Variants in GON4L observed in about 807,000 individuals in gnomAD.
The protein encoded by GON4L is gon-4 like.
GON4L carries 87 observed loss-of-function variants against 211.8 expected under a neutral mutation model. The ratio of observed to expected loss-of-function variants is 0.41; its 90% CI spans 0.35 to 0.49. The LOEUF (loss-of-function observed/expected upper bound fraction) is 0.49. Among genes scored for constraint, GON4L ranks in the 20% least tolerant of loss-of-function variants. The probability of loss-of-function intolerance (pLI) is 0.15; values close to 1 mark genes in which losing one functional copy is unlikely to be tolerated. For missense variants in GON4L, 2,155 were observed against 2,659.5 expected, an observed-to-expected ratio of 0.81 and a Z score of 4.17; for synonymous variants, 875 against 962.6, an observed-to-expected ratio of 0.91 and a Z score of 1.68.
intron 11 of GON4L, 147 bp downstream of exon 11, chr1:155,804,802 A>G: frequency 1.4e-6 from 1 of 696,516 alleles, no homozygotes; most frequent in Non-Finnish European, 2.5e-6. Context: ...AAAAAGAAAA[A>G]TTAACTACTG....
Position 155,821,560 on chromosome 1 carries a change from T to C in GON4L, c.889-12A>G, listed in dbSNP as rs918369215. 6.4e-7 allele frequency: 1 copy of C among 1,551,646 alleles called. No homozygotes were observed. Among genetic ancestry groups the C allele is most frequent in the Non-Finnish European group, 8.9e-7 (1 of 1,123,688 alleles). On this transcript the variant is annotated splice_polypyrimidine_tract_variant and intron_variant, in intron 4 of 31. Transcript: ENST00000368331. ...TTTGTGATTACTTCCTGGAGAAAGA[T>C]GAAATTTCACTTTATGCAACAAGGG...
chr1:155,807,228 C>T (rs1223633058), intron 10 of GON4L, among the ~76,000 whole-genome samples: 3 of 151,966 alleles, frequency 2.0e-5, no homozygotes, highest in Non-Finnish European at 4.4e-5. Context: ...AGCAAGACCC[C>T]CATCTCTACA....
chr1:155,838,526 G>A (rs1056662742), intron 2 of GON4L, among the ~76,000 whole-genome samples: 2 of 152,046 alleles, frequency 1.3e-5, no homozygotes, highest in African/African-American at 4.8e-5. Context: ...TGTAATCCCA[G>A]CACTTTGGGT....
At chr1:155,797,786 G>C (rs1666218932) in intron 11 of GON4L, among the ~76,000 whole-genome samples, 1 of 151,228 alleles carries the variant, frequency 6.6e-6, no homozygotes, top group Non-Finnish European at 1.5e-5. Context: ...CCAGGAGACA[G>C]AGGTTGCAGT....
chr1:155,747,685 T>C (rs775187678), downstream of GON4L: 1 of 1,613,878 alleles, frequency 6.2e-7, no homozygotes, highest in Admixed American at 1.7e-5. Flanking sequence ...TTGCAGGTAG[T>C]GGCGTGGCAA....
chr1:155,817,847 A>G (rs1048814595), intron 6 of GON4L, among the ~76,000 whole-genome samples: 1 of 151,838 alleles, frequency 6.6e-6, no homozygotes, highest in Admixed American at 6.6e-5. Context: ...TCCCTTGAGC[A>G]CAGGAAGGAG....
chr1:155,798,459 G>A (rs1463695547), intron 11 of GON4L, among the ~76,000 whole-genome samples: 1 of 147,700 alleles, frequency 6.8e-6, no homozygotes, highest in Non-Finnish European at 1.5e-5. Context: ...GCCCAGGCTG[G>A]AGCACAGAGG....
chr1:155,853,549 G>A lies in GON4L; in HGVS notation c.232C>T (p.Leu78=), dbSNP rs372215957. Residue 78 remains leucine (L), a synonymous_variant, in exon 2 of 32, where the codon CTG becomes TTG. Transcript: ENST00000368331. ...TTCTGGGTGAGCATTCCAGAGCTCAGAGATGTATCCTCCATACCAAGCTGA... is the reference window on the plus strand; with the variant it reads ...TTCTGGGTGAGCATTCCAGAGCTCAAAGATGTATCCTCCATACCAAGCTGA... The part of the protein sequence containing the change: ...GNQLGMEDTS[L]SSGMLTQNTN... 4 of 1,614,192 alleles carry A rather than the reference G, an allele frequency of 2.5e-6. No homozygotes were observed. Among genetic ancestry groups the A allele is most frequent in the Non-Finnish European group, 3.4e-6 (4 of 1,180,016 alleles).
chr1:155,764,968 C>T (rs150851632), intron 21 of GON4L, 32 bp downstream of exon 21: 71 of 1,614,006 alleles, frequency 4.4e-5, no homozygotes, highest in African/African-American at 2.3e-4. Context: ...ACTGAGTCCA[C>T]GAAATACTTG....
rs1661677473 is a variant in GON4L at position 155,760,515 on chromosome 1, G to A, written c.5038C>T (p.Gln1680Ter). The A allele has an allele frequency of 6.2e-7, 1 of 1,613,706 alleles. No individual in the cohort carries two copies. Among genetic ancestry groups the A allele is most frequent in the Non-Finnish European group, 8.5e-7 (1 of 1,179,622 alleles). ...TCTTTCAACAGCTGAGGCCAGTCTT[G>A]GAGCAGAATTTGCAGGCTTTTGTAG... Reference protein sequence around the residue: ...DLYKSLQILLQDWPQLLKDFA... With the variant: ...DLYKSLQILL The change falls in exon 24 of 32, where the codon CAA becomes TAA. Residue 1680 changes from glutamine to a stop codon, truncating the protein, a stop_gained. Coordinates refer to ENST00000368331, the MANE Select transcript of GON4L (RefSeq NM_001282860.2). LOFTEE classifies it high-confidence loss of function.
At chr1:155,798,436 G>A (rs1666294916) in intron 11 of GON4L, among the ~76,000 whole-genome samples, 1 of 139,174 alleles carries the variant, frequency 7.2e-6, no homozygotes, top group Non-Finnish European at 1.5e-5. Context: ...TTGAGATGGA[G>A]TCTCACTCTG....
intron 2 of GON4L, chr1:155,846,665 A>T (rs546123176): frequency 1.3e-5 from 2 of 152,302 alleles, no homozygotes; most frequent in African/African-American, 4.8e-5. Flanking sequence ...AAATCTTATA[A>T]ACTAAACCAG....
intron 1 of GON4L, among the ~76,000 whole-genome samples, chr1:155,854,390 T>C (rs55785064): frequency 0.11 from 16,887 of 152,080 alleles, 1,363 homozygotes; most frequent in Middle Eastern, 0.22. Context: ...CTCCTGACCT[T>C]GAGATCCACC....
chr1:155,766,072 G>A lies in GON4L; in HGVS notation c.3401C>T (p.Ala1134Val). 2 of 1,614,184 alleles carry A rather than the reference G, an allele frequency of 1.2e-6. No individual in the cohort carries two copies. The highest frequency in any genetic ancestry group is 1.7e-6 in the Non-Finnish European group (2 of 1,180,024). ...GVKASPCMKPAPVIHHPASVI... is the reference protein window; with the variant it reads ...GVKASPCMKPVPVIHHPASVI... ...AGATGCAGGGTGGTGGATAACAGGG[G>A]CAGGTTTCATACAGGGAGAGGCCTT... The change falls in exon 21 of 32, where the codon GCC (alanine) becomes GTC (valine). Residue 1134 changes from alanine to valine, a missense_variant. Physicochemically the swap from Ala to Val is moderately conservative, Grantham distance 64. Coordinates refer to ENST00000368331, the MANE Select transcript of GON4L (RefSeq NM_001282860.2).
At chr1:155,836,333 T>C (rs1359918169) in intron 2 of GON4L, among the ~76,000 whole-genome samples, 2 of 143,354 alleles carry the variant, frequency 1.4e-5, no homozygotes, top group East Asian at 4.5e-4. Flanking sequence ...CACTGCAACC[T>C]CGCCTCCCGG....
Position 155,752,167 on chromosome 1 carries a change from T to C in GON4L, c.6266A>G (p.Asp2089Gly), listed in dbSNP as rs2101610806. 1 of 1,613,622 alleles carries C rather than the reference T, an allele frequency of 6.2e-7. No individual in the cohort carries two copies. Among genetic ancestry groups the C allele is most frequent in the East Asian group, 2.2e-5 (1 of 44,858 alleles). Reference sequence around the variant, plus strand: ...AGATTCATGGACAGGGCACGTCCTGTCTCTTGTCTTCACCCGAGCTCTGCT... The same window carrying C: ...AGATTCATGGACAGGGCACGTCCTGCCTCTTGTCTTCACCCGAGCTCTGCT... ...PSSRARVKTR[D>G]RTCPVHESPS... Residue 2089 changes from aspartate to glycine, a missense_variant, in exon 30 of 32, where the codon GAC becomes GGC. Coordinates refer to ENST00000368331, the MANE Select transcript of GON4L (RefSeq NM_001282860.2).
intron 10 of GON4L, among the ~76,000 whole-genome samples, chr1:155,810,007 TA>T (rs1557886277): frequency 3.0e-5 from 4 of 134,958 alleles, no homozygotes; most frequent in Admixed American, 8.2e-5. Context: ...TATATATATA[TA>T]TTTTTGAAAT....
chr1:155,790,491 C>A (rs2985708), intron 12 of GON4L, among the ~76,000 whole-genome samples: 2 of 151,934 alleles, frequency 1.3e-5, no homozygotes, highest in Non-Finnish European at 2.9e-5. Context: ...ATCCTCCTGC[C>A]TCAGCCTCCC....
rs1361229796 is a variant in GON4L, at chr1:155,765,314, T to C, written c.4159A>G (p.Thr1387Ala). ...LQKEEERSQPTKTPSSSQEPP... is the reference protein window; with the variant it reads ...LQKEEERSQPAKTPSSSQEPP... ...TCTTGAGAAGATGAAGGGGTTTTAG[T>C]TGGCTGACTCCTCTCCTCTTCCTTC... Residue 1387 changes from threonine to alanine, a missense_variant, in exon 21 of 32, where the codon ACT becomes GCT. Thr to Ala is a moderately conservative substitution (Grantham distance 58). This residue lies in a region of GON4L where 615 missense variants were observed against 625.7 expected (regional missense o/e 0.98). Transcript: ENST00000368331. The C allele has an allele frequency of 2.5e-6, 4 of 1,614,240 alleles. No homozygotes were observed. The Admixed American group carries it at 5.0e-5, about 20-fold the overall frequency.
Sources: gnomAD v4.1 joint callset for allele counts (sites outside exome capture counted in the v4.1 genomes callset) on GRCh38, gnomAD v4.1.1 for gene constraint, gnomAD v4.1.1 regional missense constraint, MANE v1.5 for transcripts, NCBI Gene and HGNC (gene_info 2026-07-23, HGNC 2026-07-21) for gene names.